ATP10B: variants seen among roughly 807,000 people sequenced by gnomAD.
The protein encoded by ATP10B is phospholipid-transporting ATPase VB.
In ATP10B, 122 loss-of-function variants were observed where a neutral mutation model predicts 141.2. The observed-to-expected ratio is 0.86, with a 90% CI of 0.75 to 1.00. The LOEUF (loss-of-function observed/expected upper bound fraction) is 1.00. Ranked by LOEUF, ATP10B falls within the 50% of genes least tolerant of loss-of-function variation. The probability of loss-of-function intolerance (pLI) is 0.00; values close to 1 mark genes in which losing one functional copy is unlikely to be tolerated. For synonymous variants in ATP10B, 685 were observed against 692.0 expected, an observed-to-expected ratio of 0.99 and a Z score of 0.16; for missense variants, 1,876 against 1,825.3, an observed-to-expected ratio of 1.03 and a Z score of -0.51.
chr5:160,863,529 A>G, the ATP10B span, among the ~76,000 whole-genome samples: 1 of 151,972 alleles, frequency 6.6e-6, no homozygotes, highest in Non-Finnish European at 1.5e-5. Flanking sequence ...TAAATAGACA[A>G]CCTAATCTCT....
intron 12 of ATP10B, chr5:160,632,750 G>T (rs960400849): frequency 6.1e-5 from 10 of 162,652 alleles, no homozygotes. Flanking sequence ...ATTACAAAGA[G>T]ACCAGAAGCT....
chr5:160,684,793 A>T (rs1268601964), intron 6 of ATP10B: 1 of 633,372 alleles, frequency 1.6e-6, no homozygotes, highest in Non-Finnish European at 2.8e-6. Flanking sequence ...CCACAAAAAG[A>T]TCAGGCTGGG....
intron 2 of ATP10B, among the ~76,000 whole-genome samples, chr5:160,764,365 C>T (rs1769256943): frequency 6.6e-6 from 1 of 152,080 alleles, no homozygotes; most frequent in African/African-American, 2.4e-5. Context: ...AATACACTAT[C>T]ATCAAGTGGG....
intron 15 of ATP10B, among the ~76,000 whole-genome samples, chr5:160,618,582 C>T (rs991158937): frequency 2.0e-5 from 3 of 152,180 alleles, no homozygotes; most frequent in African/African-American, 7.2e-5. Context: ...TTCTTTTATG[C>T]ATTTCCTATG....
At chr5:160,656,348 C>A (rs1761489800) in intron 7 of ATP10B, among the ~76,000 whole-genome samples, 1 of 152,062 alleles carries the variant, frequency 6.6e-6, no homozygotes, top group Admixed American at 6.6e-5. Flanking sequence ...CACTGTGGGG[C>A]TTTGACTTGA....
chr5:160,699,617 G>A (rs1446995107), intron 3 of ATP10B, among the ~76,000 whole-genome samples: 1 of 152,150 alleles, frequency 6.6e-6, no homozygotes, highest in Non-Finnish European at 1.5e-5. Context: ...AGAGAATGTG[G>A]CACCAGATTT....
chr5:160,679,542 C>G (rs1185760047), intron 6 of ATP10B, among the ~76,000 whole-genome samples: 1 of 152,228 alleles, frequency 6.6e-6, no homozygotes, highest in Non-Finnish European at 1.5e-5. Context: ...CTTGACGTTT[C>G]TGCAGGTGGG....
chr5:160,734,757 G>C (rs1468064404), intron 2 of ATP10B, among the ~76,000 whole-genome samples: 2 of 151,854 alleles, frequency 1.3e-5, no homozygotes, highest in Non-Finnish European at 2.9e-5. Context: ...CAAAATAGTA[G>C]ACTAAGACGT....
upstream of ATP10B, among the ~76,000 whole-genome samples, chr5:160,856,812 A>G (rs1156754178): frequency 1.3e-5 from 2 of 151,842 alleles, no homozygotes; most frequent in Non-Finnish European, 3.0e-5. Context: ...TAATTAATGC[A>G]TTAATTGATA....
At chr5:160,833,194 A>T (rs28411323) in intron 1 of ATP10B, among the ~76,000 whole-genome samples, 1,953 of 152,312 alleles carry the variant, frequency 0.013, 42 homozygotes, top group African/African-American at 0.045. Flanking sequence ...TCAAAAGTTT[A>T]TGGTTGTGCT....
At chr5:160,799,474 T>C (rs1772210777) in intron 1 of ATP10B, among the ~76,000 whole-genome samples, 1 of 152,238 alleles carries the variant, frequency 6.6e-6, no homozygotes, top group African/African-American at 2.4e-5. Flanking sequence ...TCAGTTCTAA[T>C]GGAAAACATT....
intron 1 of ATP10B, among the ~76,000 whole-genome samples, chr5:160,804,774 C>T (rs1303374706): frequency 6.6e-6 from 1 of 152,182 alleles, no homozygotes; most frequent in Non-Finnish European, 1.5e-5. Context: ...TCTTATGACT[C>T]ACTTTTCCTT....
chr5:160,892,645 G>A, the ATP10B span, among the ~76,000 whole-genome samples: 3 of 152,124 alleles, frequency 2.0e-5, no homozygotes, highest in Non-Finnish European at 2.9e-5. Context: ...AATGAAAAAA[G>A]TCATGATTTG....
chr5:160,673,533 G>GT lies in ATP10B; in HGVS notation c.471-2867dup, dbSNP rs34256429. ...GGTCTTAATCATTCTATTTTGTTTT[G>GT]TTTTTTTTTTTTTTTTTTGGTACCC... On this transcript the variant is annotated intron_variant, in intron 6 of 25. Transcript: ENST00000327245. Among the ~76,000 whole-genome samples the GT allele has an allele frequency of 3.5e-3, 529 of 150,106 alleles. 4 individuals are homozygous for GT. Among genetic ancestry groups the GT allele is most frequent in the Non-Finnish European group, 5.9e-3 (399 of 67,348 alleles).
chr5:160,623,703 G>A (rs1445922207), intron 13 of ATP10B, among the ~76,000 whole-genome samples: 2 of 152,020 alleles, frequency 1.3e-5, no homozygotes, highest in Non-Finnish European at 2.9e-5. Context: ...CTCTTGCTCT[G>A]GCTCCTCTAT....
chr5:160,643,566 G>A (rs905799561), intron 9 of ATP10B, among the ~76,000 whole-genome samples: 5 of 152,152 alleles, frequency 3.3e-5, no homozygotes, highest in Admixed American at 2.6e-4. Context: ...TTGGAAAGCA[G>A]GATCAAAGTG....
chr5:160,611,150 T>A (rs1189361884), intron 18 of ATP10B, among the ~76,000 whole-genome samples: 3 of 152,184 alleles, frequency 2.0e-5, no homozygotes, highest in Admixed American at 2.0e-4. Context: ...GGTGTAGGCA[T>A]GGCTGAGGAT....
intron 2 of ATP10B, among the ~76,000 whole-genome samples, chr5:160,765,362 G>A (rs559571101): frequency 6.8e-4 from 103 of 151,932 alleles, no homozygotes; most frequent in African/African-American, 1.8e-3. Flanking sequence ...CATGGTACTC[G>A]TATAAAAACA....
chr5:160,672,558 G>A (rs1408449599), intron 6 of ATP10B, among the ~76,000 whole-genome samples: 3 of 152,198 alleles, frequency 2.0e-5, no homozygotes, highest in African/African-American at 7.2e-5. Flanking sequence ...CGCTTTAAGT[G>A]TGGGATTTGA....
Sources: gnomAD v4.1 joint callset for allele counts (sites outside exome capture counted in the v4.1 genomes callset) on GRCh38, gnomAD v4.1.1 for gene constraint, MANE v1.5 for transcripts, NCBI Gene and HGNC (gene_info 2026-07-23, HGNC 2026-07-21) for gene names.